Variants in CISTR observed in about 807,000 individuals in gnomAD.
CISTR encodes the protein chondrogenesis-associated transcript.
chr12:53,749,540 T>C (rs1480195639), intron 2 of CISTR, among the ~76,000 whole-genome samples: 1 of 99,180 alleles, frequency 1.0e-5, no homozygotes, highest in Non-Finnish European at 1.9e-5. Context: ...AATGAGTTTT[T>C]CTTTCTTTCT....
In CISTR at chr12:53,756,099, T is replaced by C. The variant is rs1199934381; in HGVS notation, n.414+715A>G. The stretch of plus-strand genomic sequence containing the variant: ...AGGGGATTTAAAGCGCAATTTCCTG[T>C]GGCCTTTTCATTTCCTGCTGGGGGT... On this transcript the variant is annotated intron_variant and non_coding_transcript_variant, in intron 1 of 2. Coordinates refer to ENST00000669269, the Ensembl canonical transcript of CISTR. The surrounding 1 kb of genome is among the most constrained non-coding windows in gnomAD (Gnocchi z 4.0). 6.6e-6 allele frequency among the ~76,000 whole-genome samples: 1 copy of C among 152,144 alleles called. No individual in the cohort carries two copies. Among genetic ancestry groups the C allele is most frequent in the East Asian group, 1.9e-4 (1 of 5,188 alleles).
chr12:53,752,169 G>A (rs892531725), intron 1 of CISTR, among the ~76,000 whole-genome samples: 1 of 152,078 alleles, frequency 6.6e-6, no homozygotes, highest in African/African-American at 2.4e-5. Flanking sequence ...TGCCGCCGCC[G>A]CCGCCGCCTT....
intron 1 of CISTR, among the ~76,000 whole-genome samples, chr12:53,753,075 CACACACACACACACAGAGAGAG>C (rs1376929880): frequency 2.4e-5 from 3 of 123,778 alleles, no homozygotes; most frequent in Non-Finnish European, 3.9e-5. Context: ...CACACACACA[CACACACACACACACAGAGAGAG>C]ACACACGTGT....
chr12:53,749,751 G>A (rs56998309), intron 2 of CISTR, among the ~76,000 whole-genome samples: 25,932 of 151,698 alleles, frequency 0.17, 2,352 homozygotes, highest in Non-Finnish European at 0.21. Flanking sequence ...ATCCTTTAGG[G>A]GTAGATCTAA....
chr12:53,749,933 A>G (rs1937827599), intron 2 of CISTR, among the ~76,000 whole-genome samples: 1 of 152,146 alleles, frequency 6.6e-6, no homozygotes, highest in Non-Finnish European at 1.5e-5. Context: ...ACCTTGCAAG[A>G]TATGACAGAA....
At chr12:53,752,154 C>CCCGCTGCCG (rs1384531840) in intron 1 of CISTR, among the ~76,000 whole-genome samples, 1 of 152,146 alleles carries the variant, frequency 6.6e-6, no homozygotes, top group Non-Finnish European at 1.5e-5. Flanking sequence ...CCCCTCTCTG[C>CCCGCTGCCG]CCGCTGCCGC....
rs1383248428 is a variant in CISTR, at chr12:53,751,021, G to A, written n.415-56C>T. On this transcript the variant is annotated intron_variant and non_coding_transcript_variant, in intron 1 of 2. Transcript: ENST00000669269. This position sits in a 1 kb window ranked among gnomAD's most constrained non-coding sequence, Gnocchi z 4.6. The stretch of plus-strand genomic sequence containing the variant: ...CCCCGCGCAGACTGTCCCTGTGGAG[G>A]AGAAAGGCACATGAGCAGCCAAAGG... 1.3e-5 allele frequency: 2 copies of A among 152,578 alleles called. No homozygotes were observed. The highest frequency in any genetic ancestry group is 6.5e-5 in the Admixed American group (1 of 15,280). The allele number at this position is 152,578 out of a possible 1,614,324, so 9.5% of individuals were successfully genotyped here.
Position 53,756,057 on chromosome 12 carries a change from G to A in CISTR, n.414+757C>T, listed in dbSNP as rs1473940024. On this transcript the variant is annotated intron_variant and non_coding_transcript_variant, in intron 1 of 2. Coordinates refer to ENST00000669269, the Ensembl canonical transcript of CISTR. The surrounding 1 kb of genome is among the most constrained non-coding windows in gnomAD (Gnocchi z 4.0). Reference sequence around the variant, plus strand: ...CCTGCCCCCAGCTCCCTGGCTTGGTGGAGGGAACCAGGAGCTAGGGGATTT... The same window carrying A: ...CCTGCCCCCAGCTCCCTGGCTTGGTAGAGGGAACCAGGAGCTAGGGGATTT... 1.3e-5 allele frequency: 2 copies of A among 152,236 alleles called. No homozygotes were observed. The highest frequency in any genetic ancestry group is 4.8e-5 in the African/African-American group (2 of 41,442). The allele number at this position is 152,236 out of a possible 1,614,324, so 9.4% of individuals were successfully genotyped here.
At chr12:53,754,091 G>T (rs1303876035) in intron 1 of CISTR, among the ~76,000 whole-genome samples, 1 of 152,128 alleles carries the variant, frequency 6.6e-6, no homozygotes, top group Admixed American at 6.5e-5. Context: ...AACACAAAGA[G>T]GGAGGAGATA....
At chr12:53,755,689 C>G (rs1462310248) in intron 1 of CISTR, 3 of 152,314 alleles carry the variant, frequency 2.0e-5, no homozygotes, top group Non-Finnish European at 4.4e-5. Flanking sequence ...CCCTGGTCCT[C>G]TCTGCAGGGC....
intron 1 of CISTR, among the ~76,000 whole-genome samples, chr12:53,752,830 T>A (rs1937870830): frequency 6.6e-6 from 1 of 152,202 alleles, no homozygotes; most frequent in South Asian, 2.1e-4. Flanking sequence ...CCATGTGGAC[T>A]GGCACACTGG....
chr12:53,748,286 C>T (rs1180371924), intron 2 of CISTR, among the ~76,000 whole-genome samples: 1 of 152,230 alleles, frequency 6.6e-6, no homozygotes, highest in Non-Finnish European at 1.5e-5. Context: ...CTCTCCAAGC[C>T]CTCCGCGCCA....
chr12:53,747,323 G>A (rs1937793889), intron 2 of CISTR, among the ~76,000 whole-genome samples: 1 of 152,158 alleles, frequency 6.6e-6, no homozygotes. Context: ...GACAGGGCTC[G>A]TTATTTGCTA....
chr12:53,753,916 G>GA (rs1481434933), intron 1 of CISTR, among the ~76,000 whole-genome samples: 13 of 151,992 alleles, frequency 8.6e-5, no homozygotes, highest in African/African-American at 1.4e-4. Flanking sequence ...ACCCTGGGCT[G>GA]GGTAGGCAAG....
intron 2 of CISTR, among the ~76,000 whole-genome samples, chr12:53,749,374 G>A (rs59999481): frequency 0.12 from 18,526 of 151,382 alleles, 1,275 homozygotes; most frequent in Non-Finnish European, 0.16. Context: ...AGAGGGGCAC[G>A]GAGAGAGAGG....
rs1206227234 is a variant in CISTR, at chr12:53,756,060, G to A, written n.414+754C>T. ...GCCCCCAGCTCCCTGGCTTGGTGGA[G>A]GGAACCAGGAGCTAGGGGATTTAAA... On this transcript the variant is annotated intron_variant and non_coding_transcript_variant, in intron 1 of 2. Coordinates refer to ENST00000669269, the Ensembl canonical transcript of CISTR. The surrounding 1 kb of genome is among the most constrained non-coding windows in gnomAD (Gnocchi z 4.0). The A allele has an allele frequency of 6.6e-6, 1 of 152,248 alleles. No individual in the cohort carries two copies. The highest frequency in any genetic ancestry group is 1.9e-4 in the East Asian group (1 of 5,192). The allele number at this position is 152,248 out of a possible 1,614,324, so 9.4% of individuals were successfully genotyped here.
chr12:53,754,478 T>C (rs560776493), intron 1 of CISTR: 1 of 152,342 alleles, frequency 6.6e-6, no homozygotes, highest in Admixed American at 6.5e-5. Context: ...AGCAACTTGA[T>C]TCCTGGCTAC....
chr12:53,751,715 C>T lies in CISTR; in HGVS notation n.415-750G>A, dbSNP rs111970901. 0.096 allele frequency: 14,654 copies of T among 152,276 alleles called. 827 individuals are homozygous for T. Among genetic ancestry groups the T allele is most frequent in the Middle Eastern group, 0.16 (46 of 292 alleles). The allele number at this position is 152,276 out of a possible 1,614,324, so 9.4% of individuals were successfully genotyped here. On this transcript the variant is annotated intron_variant and non_coding_transcript_variant, in intron 1 of 2. Coordinates refer to ENST00000669269, the Ensembl canonical transcript of CISTR. The surrounding 1 kb of genome is among the most constrained non-coding windows in gnomAD (Gnocchi z 4.6). ...CGGGGGCGTCCCGGGGCGAGGGCAG[C>T]GGGCCGGTTCCCGCCCGCCCGGGGC... is the stretch of plus-strand genomic sequence containing the variant.
intron 1 of CISTR, among the ~76,000 whole-genome samples, chr12:53,753,665 G>GGTGT (rs55769002): frequency 0.067 from 9,511 of 141,234 alleles, 410 homozygotes; most frequent in African/African-American, 0.098. Context: ...AATGCATAGG[G>GGTGT]GTGTGTGTGT....
Sources: allele counts gnomAD v4.1 joint callset (sites outside exome capture counted in the v4.1 genomes callset), GRCh38; gene constraint gnomAD v4.1.1; non-coding constraint Gnocchi (gnomAD v3.1); transcripts MANE v1.5; gene names NCBI Gene and HGNC (gene_info 2026-07-23, HGNC 2026-07-21).